The following CCDC90B variants were observed in gnomAD, a reference collection of about 807,000 sequenced individuals.
CCDC90B encodes the protein coiled-coil domain containing 90B, also known as coiled-coil domain-containing protein 90B, mitochondrial.
A neutral mutation model predicts 37.0 loss-of-function variants in CCDC90B; 24 were observed. The ratio of observed to expected loss-of-function variants is 0.65; its 90% CI spans 0.47 to 0.91. CCDC90B has a LOEUF of 0.91. Among genes scored for constraint, CCDC90B ranks in the 40% least tolerant of loss-of-function variants. CCDC90B has a pLI of 0.00. For synonymous variants in CCDC90B, 113 were observed against 101.1 expected (o/e 1.12, Z -0.71); for missense variants, 319 against 299.0 (o/e 1.07, Z -0.49).
At position 83,259,354 on chromosome 11, in the gene CCDC90B, A is replaced by G. The variant is rs1301086927; in HGVS notation, c.*2557T>C. The G allele has an allele frequency of 6.6e-6, 1 of 152,196 alleles. No individual in the cohort carries two copies. Among genetic ancestry groups the G allele is most frequent in the African/African-American group, 2.4e-5 (1 of 41,456 alleles). The allele number at this position is 152,196 out of a possible 1,614,324, so 9.4% of individuals were successfully genotyped here. A position where few individuals can be genotyped will look rare whatever the true frequency, so the allele number is the denominator to read the frequency against. On this transcript the variant is annotated 3_prime_UTR_variant, in exon 9 of 9. Transcript: ENST00000529689. The stretch of plus-strand genomic sequence containing the variant: ...CCACCATCAAAATGAAGTTTCATGG[A>G]AAGGATATAGGATCTAAAAGTAATG...
At chr11:83,285,127 C>A in intron 1 of CCDC90B, 1 of 1,255,944 alleles carries the variant, frequency 8.0e-7, no homozygotes, top group Non-Finnish European at 1.0e-6. Flanking sequence ...CTCAGCGTAC[C>A]TGGCACTGAA....
At chr11:83,285,664 A>G (rs1865638734) in intron 1 of CCDC90B, 4 of 1,403,288 alleles carry the variant, frequency 2.9e-6, no homozygotes, top group Admixed American at 3.1e-5. Context: ...CGCTTTAAGA[A>G]CAGAAAGGCA....
intron 3 of CCDC90B, 24 bp downstream of exon 3, chr11:83,278,702 A>G: frequency 7.2e-7 from 1 of 1,393,554 alleles, no homozygotes. Flanking sequence ...AAAGTATCAG[A>G]AGTGATAGTA....
At chr11:83,278,434 A>C (rs1249737758) in intron 3 of CCDC90B, among the ~76,000 whole-genome samples, 1 of 152,224 alleles carries the variant, frequency 6.6e-6, no homozygotes, top group Non-Finnish European at 1.5e-5. Flanking sequence ...TCTAGAGGGA[A>C]AAAGTTGTTT....
intron 2 of CCDC90B, 24 bp from the exon 3 acceptor site, chr11:83,278,853 T>C (rs746162020): frequency 3.4e-6 from 5 of 1,455,024 alleles, no homozygotes; most frequent in Non-Finnish European, 4.8e-6. Context: ...ATAGGTATTT[T>C]ATTTTTTTTA....
intron 1 of CCDC90B, chr11:83,285,659 T>A: frequency 7.1e-7 from 1 of 1,399,094 alleles, no homozygotes; most frequent in Non-Finnish European, 9.3e-7. Context: ...AGGTTCGCTT[T>A]AAGAACAGAA....
intron 4 of CCDC90B, 36 bp downstream of exon 4, chr11:83,274,603 G>A: frequency 1.6e-6 from 2 of 1,263,856 alleles, no homozygotes; most frequent in Non-Finnish European, 2.3e-6. Flanking sequence ...TATGAGATCA[G>A]TTATTTTATA....
chr11:83,286,168 AGCATG>A lies in CCDC90B; in HGVS notation c.-201_-197del. The A allele has an allele frequency of 6.5e-7, 1 of 1,536,042 alleles. No homozygotes were observed. The highest frequency in any genetic ancestry group is 8.7e-7 in the Non-Finnish European group (1 of 1,146,878). The stretch of plus-strand genomic sequence containing the variant: ...TTCACAGACAGACCCACAGTTCGCG[AGCATG>A]GCTCAGCGCTGCCCCGCTTCTCCCA... On this transcript the variant is annotated 5_prime_UTR_variant, in exon 1 of 9. It removes an upstream start codon present in the reference 5' UTR. Transcript: ENST00000529689.
In CCDC90B at chr11:83,273,950, C is replaced by A. The variant is rs1864859323; in HGVS notation, c.468+1G>T. ...AACAGCTAGAAAAAAAATTCACTTACCATTAGTTGTTGCTTAACTTGGTCT... is the reference window on the plus strand; with the variant it reads ...AACAGCTAGAAAAAAAATTCACTTAACATTAGTTGTTGCTTAACTTGGTCT... On this transcript the variant is annotated splice_donor_variant, in intron 5 of 8. Coordinates refer to ENST00000529689, the MANE Select transcript of CCDC90B (RefSeq NM_021825.5). LOFTEE classifies it high-confidence loss of function. 5 of 1,590,436 alleles carry A rather than the reference C, an allele frequency of 3.1e-6. No homozygotes were observed. The highest frequency in any genetic ancestry group is 2.7e-5 in the African/African-American group (2 of 73,598).
intron 2 of CCDC90B, 100 bp downstream of exon 2, chr11:83,280,041 A>G (rs972645406): frequency 2.6e-6 from 3 of 1,166,228 alleles, no homozygotes; most frequent in Admixed American, 2.5e-5. Flanking sequence ...TGGTACATCT[A>G]TTTAGTTACT....
intron 1 of CCDC90B, among the ~76,000 whole-genome samples, chr11:83,283,926 C>T (rs995900293): frequency 6.6e-6 from 1 of 152,082 alleles, no homozygotes; most frequent in African/African-American, 2.4e-5. Flanking sequence ...GGCGCCAAGG[C>T]ACACCAGCCT....
intron 3 of CCDC90B, among the ~76,000 whole-genome samples, chr11:83,276,957 A>G (rs1865073168): frequency 6.6e-6 from 1 of 152,138 alleles, no homozygotes; most frequent in Non-Finnish European, 1.5e-5. Flanking sequence ...GTGATCAAGT[A>G]TGCAGCTTAA....
At chr11:83,277,390 T>TA (rs1282966769) in intron 3 of CCDC90B, among the ~76,000 whole-genome samples, 1 of 152,186 alleles carries the variant, frequency 6.6e-6, no homozygotes, top group African/African-American at 2.4e-5. Context: ...TGTACAAACT[T>TA]AAAGGTAAGT....
intron 7 of CCDC90B, among the ~76,000 whole-genome samples, chr11:83,270,048 C>CA (rs775279771): frequency 6.6e-6 from 1 of 152,116 alleles, no homozygotes; most frequent in Non-Finnish European, 1.5e-5. Flanking sequence ...GAACCAAAGA[C>CA]AAAACCACAT....
At chr11:83,275,373 C>T (rs1158583573) in intron 3 of CCDC90B, among the ~76,000 whole-genome samples, 1 of 152,114 alleles carries the variant, frequency 6.6e-6, no homozygotes, top group Admixed American at 6.5e-5. Flanking sequence ...ATAACTGTTA[C>T]AGATTGAATA....
intron 3 of CCDC90B, among the ~76,000 whole-genome samples, chr11:83,277,654 TG>T (rs1254642076): frequency 6.6e-6 from 1 of 151,404 alleles, no homozygotes; most frequent in Non-Finnish European, 1.5e-5. Context: ...GGCTAATTTT[TG>T]TTTTTTTTTT....
intron 7 of CCDC90B, among the ~76,000 whole-genome samples, chr11:83,272,496 GA>G (rs146771916): frequency 2.0e-5 from 3 of 150,186 alleles, no homozygotes; most frequent in Non-Finnish European, 3.0e-5. Context: ...TCTGCAAATG[GA>G]AAAAAAAATA....
At position 83,265,857 on chromosome 11, in the gene CCDC90B, A is replaced by G. The variant is rs371874508; in HGVS notation, c.709+8T>C. Reference sequence around the variant, plus strand: ...GATGACAGCAATTTCTTTCTCTGACAGTCTTACCTGCAAGATAACGAATTG... The same window carrying G: ...GATGACAGCAATTTCTTTCTCTGACGGTCTTACCTGCAAGATAACGAATTG... On this transcript the variant is annotated splice_region_variant and intron_variant, in intron 8 of 8. Transcript: ENST00000529689. The G allele has an allele frequency of 6.5e-7, 1 of 1,546,244 alleles. No individual in the cohort carries two copies. Among genetic ancestry groups the G allele is most frequent in the Non-Finnish European group, 8.9e-7 (1 of 1,122,732 alleles).
rs1865667546 is a variant in CCDC90B at position 83,285,976 on chromosome 11, C to G, written c.-4G>C. 1 of 1,608,342 alleles carries G rather than the reference C, an allele frequency of 6.2e-7. No homozygotes were observed. The highest frequency in any genetic ancestry group is 1.7e-5 in the Admixed American group (1 of 59,448). ...GCCAAGCCTGGCGACTATTCATGTC[C>G]TCAGAGTTTTCCGGTGGGAGGGAGG... On this transcript the variant is annotated 5_prime_UTR_variant, in exon 1 of 9. Transcript: ENST00000529689.
Sources: gnomAD v4.1 joint callset for allele counts (sites outside exome capture counted in the v4.1 genomes callset) on GRCh38, gnomAD v4.1.1 for gene constraint, MANE v1.5 for transcripts, NCBI Gene and HGNC (gene_info 2026-07-23, HGNC 2026-07-21) for gene names.